SNX6: variants seen among roughly 807,000 people sequenced by gnomAD.
The protein encoded by SNX6 is sorting nexin 6.
A neutral mutation model predicts 63.0 loss-of-function variants in SNX6; 34 were observed. That is an observed-to-expected ratio of 0.54 (90% confidence interval 0.41 to 0.72). SNX6 has a LOEUF of 0.72. Among genes scored for constraint, SNX6 ranks in the 30% least tolerant of loss-of-function variants. The pLI, the probability that SNX6 is intolerant of heterozygous loss-of-function variation, is 0.00. For synonymous variants in SNX6, 170 were observed against 164.2 expected (o/e 1.04, Z -0.27); for missense variants, 398 against 471.4 (o/e 0.84, Z 1.44).
chr14:34,626,928 ATAAT>A (rs1364866910), intron 2 of SNX6, among the ~76,000 whole-genome samples: 1 of 152,202 alleles, frequency 6.6e-6, no homozygotes, highest in Non-Finnish European at 1.5e-5. Context: ...TATATTTAGA[ATAAT>A]TAGTTTAATT....
intron 10 of SNX6, among the ~76,000 whole-genome samples, chr14:34,578,831 C>G (rs894856765): frequency 1.4e-5 from 2 of 140,414 alleles, no homozygotes; most frequent in African/African-American, 2.6e-5. Flanking sequence ...CCCAGCTACT[C>G]GGGAGGCTGA....
intron 6 of SNX6, among the ~76,000 whole-genome samples, chr14:34,603,072 T>C (rs1256552515): frequency 6.7e-6 from 1 of 149,444 alleles, no homozygotes; most frequent in Non-Finnish European, 1.5e-5. Flanking sequence ...GGTCAGGAGA[T>C]CGAGACCATT....
At chr14:34,564,027 C>T (rs952350358) in intron 13 of SNX6, among the ~76,000 whole-genome samples, 1 of 151,830 alleles carries the variant, frequency 6.6e-6, no homozygotes, top group African/African-American at 2.4e-5. Flanking sequence ...GCGTGAGCCA[C>T]TGCGCTGGCC....
rs1176846710 is a variant in SNX6, at chr14:34,570,446, GAGTCGTGCTCTGT to G, written c.922-2446_922-2434del. 2.7e-5 allele frequency among the ~76,000 whole-genome samples: 4 copies of G among 148,542 alleles called. No individual in the cohort carries two copies. The East Asian group carries it at 8.0e-4, about 30-fold the overall frequency. On this transcript the variant is annotated intron_variant, in intron 11 of 13. Coordinates refer to ENST00000362031, the MANE Select transcript of SNX6 (RefSeq NM_152233.4). Reference sequence around the variant, plus strand: ...CTCACATTTTTTTTTTCCTGAGACTGAGTCGTGCTCTGTCATCCAGGCTGGAGTGCAGTGGTGC... The same window carrying G: ...CTCACATTTTTTTTTTCCTGAGACTGCATCCAGGCTGGAGTGCAGTGGTGC...
chr14:34,567,770 T>C lies in SNX6; in HGVS notation c.1083A>G (p.Glu361=), dbSNP rs1359810664. 1 of 1,613,394 alleles carries C rather than the reference T, an allele frequency of 6.2e-7. No homozygotes were observed. The highest frequency in any genetic ancestry group is 2.2e-5 in the East Asian group (1 of 44,834). Residue 361 remains glutamate, a splice_region_variant and synonymous_variant, in exon 13 of 14, where the codon GAA becomes GAG. Coordinates refer to ENST00000362031, the MANE Select transcript of SNX6 (RefSeq NM_152233.4). ...CTCTTCTTGTCTTAAAATCTATAAG[T>C]TCTGTGAAAAAGAAATTAGGATTAT... ...FEKISESAKQ[E]LIDFKTRRVA... is the part of the protein sequence containing the mutation.
At chr14:34,606,196 CT>C (rs34435703) in intron 4 of SNX6, among the ~76,000 whole-genome samples, 1,200 of 57,588 alleles carry the variant, frequency 0.021, 5 homozygotes, top group African/African-American at 0.054. Context: ...GTTATCTAAT[CT>C]TTTTTTTTTT....
chr14:34,583,442 T>TC (rs34947824), intron 9 of SNX6, among the ~76,000 whole-genome samples: 8 of 143,384 alleles, frequency 5.6e-5, no homozygotes, highest in African/African-American at 1.3e-4. Context: ...TTTTTCTTTT[T>TC]TTTTTTTTTG....
intron 13 of SNX6, among the ~76,000 whole-genome samples, chr14:34,563,643 T>A (rs1881033569): frequency 6.6e-6 from 1 of 152,150 alleles, no homozygotes; most frequent in African/African-American, 2.4e-5. Context: ...AAACAGCCAT[T>A]CATTATATAC....
intron 13 of SNX6, among the ~76,000 whole-genome samples, chr14:34,563,538 G>A (rs1351037217): frequency 7.1e-5 from 10 of 141,584 alleles, no homozygotes; most frequent in Admixed American, 4.4e-4. Flanking sequence ...CACCCTGGGC[G>A]AAAGAGTGAG....
chr14:34,615,809 A>G (rs1208251489), intron 2 of SNX6, among the ~76,000 whole-genome samples: 1 of 152,142 alleles, frequency 6.6e-6, no homozygotes, highest in East Asian at 1.9e-4. Flanking sequence ...TTTCTAATAA[A>G]CAAGATGTAT....
At chr14:34,599,606 T>TA (rs143732306) in intron 6 of SNX6, among the ~76,000 whole-genome samples, 1,462 of 123,426 alleles carry the variant, frequency 0.012, 15 homozygotes, top group African/African-American at 0.03. Context: ...AAACTCTGTC[T>TA]AAAAAAAAAA....
intron 5 of SNX6, chr14:34,604,067 A>C (rs1882925578): frequency 1.8e-6 from 2 of 1,124,744 alleles, no homozygotes; most frequent in Admixed American, 4.6e-5. Context: ...AAAAAAAAAA[A>C]AAACATTCAA....
At chr14:34,595,416 C>T (rs953765366) in intron 7 of SNX6, among the ~76,000 whole-genome samples, 2 of 152,124 alleles carry the variant, frequency 1.3e-5, no homozygotes, top group African/African-American at 4.8e-5. Flanking sequence ...GGATTATAGG[C>T]GTGAGCCACT....
At position 34,600,244 on chromosome 14, in the gene SNX6, C is replaced by T. The variant is rs143425900; in HGVS notation, c.517-2599G>A. On this transcript the variant is annotated intron_variant, in intron 6 of 13. Transcript: ENST00000362031. ...CATTCAAGTGATTCTCATGTCTCAG[C>T]CTCCCAAGTAGCTGGGATTACAGGC... Among the ~76,000 whole-genome samples, 51 of 152,282 alleles carry T rather than the reference C, an allele frequency of 3.3e-4. No individual in the cohort carries two copies. The East Asian group carries it at 6.2e-3, about 18-fold the overall frequency.
intron 2 of SNX6, among the ~76,000 whole-genome samples, chr14:34,610,297 G>A (rs1883177076): frequency 7.6e-6 from 1 of 131,854 alleles, no homozygotes; most frequent in South Asian, 2.6e-4. Flanking sequence ...CAAGGCTACA[G>A]TAAGCAGTAA....
At chr14:34,605,991 T>A (rs1883000815) in intron 4 of SNX6, among the ~76,000 whole-genome samples, 1 of 151,518 alleles carries the variant, frequency 6.6e-6, no homozygotes, top group Non-Finnish European at 1.5e-5. Flanking sequence ...CTGGCCAACA[T>A]GATAAAATCC....
intron 11 of SNX6, chr14:34,569,092 T>TC (rs754141711): frequency 2.5e-5 from 25 of 998,216 alleles, no homozygotes; most frequent in Non-Finnish European, 4.0e-5. Flanking sequence ...TCTGATGAAC[T>TC]CCTGCTGGTT....
rs1186815190 is a variant in SNX6, at chr14:34,579,287, G to A, written c.834+2274C>T. ...ACTATCCAAATGCCTATCAACAGCAGAACAGATAAACAAATTAATAAAATA... is the reference window on the plus strand; with the variant it reads ...ACTATCCAAATGCCTATCAACAGCAAAACAGATAAACAAATTAATAAAATA... On this transcript the variant is annotated intron_variant, in intron 10 of 13. Transcript: ENST00000362031. 2.6e-5 allele frequency among the ~76,000 whole-genome samples: 4 copies of A among 152,056 alleles called. No homozygotes were observed. In the East Asian group the frequency reaches 7.7e-4, roughly 29 times the overall value.
At chr14:34,596,692 C>T (rs541375444) in intron 7 of SNX6, among the ~76,000 whole-genome samples, 2 of 151,114 alleles carry the variant, frequency 1.3e-5, no homozygotes, top group African/African-American at 2.4e-5. Context: ...GTAACTTTTC[C>T]CAAGGACAAC....
Sources: allele counts gnomAD v4.1 joint callset (sites outside exome capture counted in the v4.1 genomes callset), GRCh38; gene constraint gnomAD v4.1.1; transcripts MANE v1.5; gene names NCBI Gene and HGNC (gene_info 2026-07-23, HGNC 2026-07-21).